Variants in SAMD5 observed in about 807,000 individuals in gnomAD.
SAMD5 encodes sterile alpha motif domain-containing protein 5.
A neutral mutation model predicts 11.3 loss-of-function variants in SAMD5; 13 were observed. The ratio of observed to expected loss-of-function variants is 1.15; its 90% CI spans 0.75 to 1.83. The LOEUF (loss-of-function observed/expected upper bound fraction) is 1.83, where lower values mean the gene tolerates loss of function less well. Among genes scored for constraint, SAMD5 ranks in the 40% most tolerant of loss-of-function variants. The probability of loss-of-function intolerance (pLI) is 0.00; values close to 1 mark genes in which losing one functional copy is unlikely to be tolerated. For synonymous variants in SAMD5, 129 were observed against 111.3 expected, an observed-to-expected ratio of 1.16 and a Z score of -1.00; for missense variants, 255 against 239.1, an observed-to-expected ratio of 1.07 and a Z score of -0.44.
At chr6:147,580,022 G>T (rs1451142012) in intron 1 of SAMD5, among the ~76,000 whole-genome samples, 1 of 152,136 alleles carries the variant, frequency 6.6e-6, no homozygotes, top group Non-Finnish European at 1.5e-5. Flanking sequence ...CACGCAGGAG[G>T]GAGTATCAAA....
chr6:147,853,217 C>T, the SAMD5 span, among the ~76,000 whole-genome samples: 2 of 152,116 alleles, frequency 1.3e-5, no homozygotes, highest in African/African-American at 4.8e-5. Context: ...GGCCTCTTTC[C>T]TCTAAGTCTC....
chr6:147,534,650 G>A (rs889717375), intron 1 of SAMD5, among the ~76,000 whole-genome samples: 12 of 152,086 alleles, frequency 7.9e-5, no homozygotes, highest in South Asian at 2.1e-4. Flanking sequence ...GTCTTTTTGC[G>A]CTGAGTCAGT....
chr6:147,666,959 T>C (rs1790731447), intron 1 of SAMD5, among the ~76,000 whole-genome samples: 1 of 152,196 alleles, frequency 6.6e-6, no homozygotes, highest in South Asian at 2.1e-4. Flanking sequence ...TTTTGTCATA[T>C]GTGTCTTTCC....
At chr6:147,883,752 C>T in the SAMD5 span, among the ~76,000 whole-genome samples, 2 of 152,044 alleles carry the variant, frequency 1.3e-5, no homozygotes, top group East Asian at 3.8e-4. Flanking sequence ...TAATCAGTTG[C>T]TGGGCTGGAG....
rs765617863 is a variant in SAMD5 at position 147,541,935 on chromosome 6, A to G, written c.460-22459A>G. Among the ~76,000 whole-genome samples the G allele has an allele frequency of 1.2e-4, 18 of 152,184 alleles. No individual in the cohort carries two copies. The South Asian group carries it at 2.7e-3, about 23-fold the overall frequency. On this transcript the variant is annotated intron_variant, in intron 1 of 1. Coordinates refer to ENST00000367474, the MANE Select transcript of SAMD5 (RefSeq NM_001030060.3). ...TAGACAGACACCCCATAGTGGAGCT[A>G]CAAAGAGACACCCTGCAGTGAGGCT... is the stretch of plus-strand genomic sequence containing the variant.
intron 1 of SAMD5, among the ~76,000 whole-genome samples, chr6:147,678,758 T>C (rs1790900037): frequency 6.6e-6 from 1 of 152,198 alleles, no homozygotes; most frequent in South Asian, 2.1e-4. Context: ...GTTACTTTAG[T>C]GTGTTCTTGG....
the SAMD5 span, among the ~76,000 whole-genome samples, chr6:147,905,356 A>G: frequency 2.1e-3 from 312 of 151,072 alleles, 1 homozygote; most frequent in African/African-American, 7.3e-3. Context: ...TATTTTTTGT[A>G]TTTATAGTAG....
chr6:147,885,036 A>T, the SAMD5 span, among the ~76,000 whole-genome samples: 2 of 152,340 alleles, frequency 1.3e-5, no homozygotes, highest in Middle Eastern at 3.4e-3. Flanking sequence ...CTTTTAAAAA[A>T]AGTTTTTAAA....
At chr6:147,751,006 T>C in the SAMD5 span, among the ~76,000 whole-genome samples, 1 of 152,110 alleles carries the variant, frequency 6.6e-6, no homozygotes, top group African/African-American at 2.4e-5. Flanking sequence ...ATCTGAGAAG[T>C]TGCATTGCTG....
chr6:147,683,154 C>A (rs568303213), intron 1 of SAMD5, among the ~76,000 whole-genome samples: 1 of 152,158 alleles, frequency 6.6e-6, no homozygotes, highest in Non-Finnish European at 1.5e-5. Context: ...ATTAACACTG[C>A]GTGCCATTTG....
intron 1 of SAMD5, among the ~76,000 whole-genome samples, chr6:147,624,874 T>C (rs985367913): frequency 1.0e-5 from 1 of 95,654 alleles, no homozygotes; most frequent in Admixed American, 1.2e-4. Flanking sequence ...CCTATGGAAA[T>C]AAAAAATTAA....
intron 1 of SAMD5, chr6:147,733,742 G>A: frequency 3.2e-6 from 3 of 940,594 alleles, no homozygotes; most frequent in Non-Finnish European, 3.8e-6. Context: ...TTAAAATTAT[G>A]GAAATTCTTC....
At chr6:147,606,052 T>C (rs2128448642) in intron 1 of SAMD5, among the ~76,000 whole-genome samples, 1 of 152,190 alleles carries the variant, frequency 6.6e-6, no homozygotes, top group East Asian at 1.9e-4. Flanking sequence ...ATCGGTTCTG[T>C]TTGATCCCAC....
intron 1 of SAMD5, among the ~76,000 whole-genome samples, chr6:147,684,866 A>T (rs1418701370): frequency 6.6e-6 from 1 of 152,176 alleles, no homozygotes; most frequent in South Asian, 2.1e-4. Context: ...AATATATTTT[A>T]AAAAAATAAC....
rs1562342185 is a variant in SAMD5 at position 147,647,009 on chromosome 6, AATAAT to A, written c.163-90306_163-90302del. 6.6e-3 allele frequency among the ~76,000 whole-genome samples: 702 copies of A among 107,114 alleles called. 6 individuals are homozygous for A. The highest frequency in any genetic ancestry group is 0.022 in the African/African-American group (676 of 30,708). The allele number at this position is 107,114 out of a possible 152,430, so 70.3% of individuals were successfully genotyped here. A position where few individuals can be genotyped will look rare whatever the true frequency, so the allele number is the denominator to read the frequency against. On this transcript the variant is annotated intron_variant, in intron 1 of 1. Coordinates refer to the SAMD5 transcript ENST00000566741. ...TAATAATAATAATAATAATAATAAT[AATAAT>A]AAAATAGCTGGCCATGGTGACAGGC... is the stretch of plus-strand genomic sequence containing the variant.
rs1462306884 is a variant in SAMD5, at chr6:147,511,303, T to C, written c.459+1916T>C. 2.6e-5 allele frequency among the ~76,000 whole-genome samples: 4 copies of C among 152,358 alleles called. No individual in the cohort carries two copies. The East Asian group carries it at 7.7e-4, about 29-fold the overall frequency. On this transcript the variant is annotated intron_variant, in intron 1 of 1. Coordinates refer to ENST00000367474, the MANE Select transcript of SAMD5 (RefSeq NM_001030060.3). ...GAGGCTGGAAAGGATGTTAAGGGGA[T>C]GAAACGTCATCAGAAATGTCAGCAC...
intron 1 of SAMD5, among the ~76,000 whole-genome samples, chr6:147,585,305 T>C (rs1188741410): frequency 2.6e-5 from 4 of 152,116 alleles, no homozygotes. Flanking sequence ...GTAACTATTA[T>C]CAGAGGGAAT....
intron 1 of SAMD5, among the ~76,000 whole-genome samples, chr6:147,706,722 A>G (rs1791329853): frequency 6.6e-6 from 1 of 152,208 alleles, no homozygotes; most frequent in South Asian, 2.1e-4. Context: ...GGATTTTGCT[A>G]TATGCAGGGA....
intron 1 of SAMD5, among the ~76,000 whole-genome samples, chr6:147,556,157 A>C (rs1205345548): frequency 6.7e-6 from 1 of 150,024 alleles, no homozygotes; most frequent in Non-Finnish European, 1.5e-5. Flanking sequence ...CAGTGGTGTG[A>C]TCTTGGCTCA....
Sources: gnomAD v4.1 joint callset for allele counts (sites outside exome capture counted in the v4.1 genomes callset) on GRCh38, gnomAD v4.1.1 for gene constraint, MANE v1.5 for transcripts, NCBI Gene and HGNC (gene_info 2026-07-23, HGNC 2026-07-21) for gene names.